The following RNF150 variants were observed in gnomAD, a reference collection of about 807,000 sequenced individuals.
RNF150 encodes ring finger protein 150.
A neutral mutation model predicts 39.3 loss-of-function variants in RNF150; 24 were observed. The ratio of observed to expected loss-of-function variants is 0.61; its 90% CI spans 0.44 to 0.86. The LOEUF is 0.86. Ranked by LOEUF, RNF150 falls within the 40% of genes least tolerant of loss-of-function variation. The pLI is 0.00. For missense variants in RNF150, 502 were observed against 587.8 expected (o/e 0.85, Z 1.51); for synonymous variants, 255 against 227.3 (o/e 1.12, Z -1.10).
chr4:141,031,911 G>T (rs1261912918), intron 1 of RNF150, among the ~76,000 whole-genome samples: 1 of 151,730 alleles, frequency 6.6e-6, no homozygotes, highest in Non-Finnish European at 1.5e-5. Flanking sequence ...TGAAAGAGAT[G>T]AGCACCCCCA....
intron 1 of RNF150, among the ~76,000 whole-genome samples, chr4:140,991,529 G>C (rs1734197842): frequency 6.6e-6 from 1 of 151,540 alleles, no homozygotes; most frequent in Non-Finnish European, 1.5e-5. Flanking sequence ...TTTTTGTTTG[G>C]AATATCATTT....
chr4:141,163,989 G>C (rs1727557531), intron 1 of RNF150, among the ~76,000 whole-genome samples: 1 of 152,012 alleles, frequency 6.6e-6, no homozygotes, highest in Admixed American at 6.6e-5. Flanking sequence ...CAGAAGGTGG[G>C]TAATAAGAAA....
chr4:141,080,866 G>C (rs756581267), intron 1 of RNF150, among the ~76,000 whole-genome samples: 1 of 152,168 alleles, frequency 6.6e-6, no homozygotes, highest in Non-Finnish European at 1.5e-5. Context: ...GAAATCAGTA[G>C]GAATTCCAGA....
intron 4 of RNF150, among the ~76,000 whole-genome samples, chr4:140,940,089 G>A (rs1461125844): frequency 6.6e-6 from 1 of 152,138 alleles, no homozygotes; most frequent in Middle Eastern, 3.2e-3. Flanking sequence ...GGGTGCTCCA[G>A]CACTTGGTTA....
rs1454104245 is a variant in RNF150 at position 140,861,816 on chromosome 4, G to A, written c.*6445C>T. On this transcript the variant is annotated 3_prime_UTR_variant, in exon 7 of 7. Transcript: ENST00000515673. ...AGTTCAGTAAAGCGCTAGATTTGTT[G>A]GAAAGTTTTGAAGGAAAAGGGGACT... 1 of 152,146 alleles carries A rather than the reference G, an allele frequency of 6.6e-6. No individual in the cohort carries two copies. The highest frequency in any genetic ancestry group is 2.4e-5 in the African/African-American group (1 of 41,450). The allele number at this position is 152,146 out of a possible 1,614,324, so 9.4% of individuals were successfully genotyped here.
At chr4:140,989,744 CT>C (rs373314707) in intron 1 of RNF150, among the ~76,000 whole-genome samples, 188 of 145,240 alleles carry the variant, frequency 1.3e-3, no homozygotes, top group East Asian at 9.1e-3. Context: ...TTTCACCTTG[CT>C]TTTTTTTTTT....
chr4:140,940,224 G>C (rs1350621906), intron 4 of RNF150, among the ~76,000 whole-genome samples: 1 of 152,084 alleles, frequency 6.6e-6, no homozygotes, highest in Non-Finnish European at 1.5e-5. Flanking sequence ...TCTTTGCTTG[G>C]AATGTTCTTC....
At chr4:140,970,628 C>A (rs1733428705) in intron 1 of RNF150, among the ~76,000 whole-genome samples, 1 of 152,012 alleles carries the variant, frequency 6.6e-6, no homozygotes, top group Non-Finnish European at 1.5e-5. Flanking sequence ...AAATACTCAT[C>A]ATCCATTTTC....
At chr4:141,078,811 ATAT>A (rs1738026262) in intron 1 of RNF150, among the ~76,000 whole-genome samples, 1,218 of 68,640 alleles carry the variant, frequency 0.018, 27 homozygotes, top group South Asian at 0.031. Flanking sequence ...AAAAAAAAAT[ATAT>A]ATATATATAT....
intron 1 of RNF150, among the ~76,000 whole-genome samples, chr4:141,192,000 G>A (rs1191172948): frequency 6.6e-6 from 1 of 152,122 alleles, no homozygotes; most frequent in East Asian, 1.9e-4. Flanking sequence ...AGATTCCTAT[G>A]AATCAGATGG....
At chr4:141,206,621 T>C (rs936841133) in intron 1 of RNF150, among the ~76,000 whole-genome samples, 8 of 152,032 alleles carry the variant, frequency 5.3e-5, no homozygotes, top group Non-Finnish European at 1.2e-4. Context: ...GTGATTGCCC[T>C]AATCCTGGAA....
Position 141,132,818 on chromosome 4 carries a change from C to A in RNF150, c.-10G>T, listed in dbSNP as rs201089087. The stretch of plus-strand genomic sequence containing the variant: ...TGAGAGACATTGCCATCTTTATCCG[C>A]CGGGGCCCCCTCCCCGCCCCCGCGC... On this transcript the variant is annotated 5_prime_UTR_variant, in exon 1 of 7. Transcript: ENST00000515673. This position sits in a 1 kb window ranked among gnomAD's most constrained non-coding sequence, Gnocchi z 4.9. 1.3e-4 allele frequency: 209 copies of A among 1,601,480 alleles called. No individual in the cohort carries two copies. Among genetic ancestry groups the A allele is most frequent in the Admixed American group, 1.0e-4 (6 of 59,632 alleles).
At chr4:141,174,940 C>A (rs1727784639) in intron 1 of RNF150, among the ~76,000 whole-genome samples, 1 of 150,138 alleles carries the variant, frequency 6.7e-6, no homozygotes, top group Non-Finnish European at 1.5e-5. Flanking sequence ...GAGTTGTAAG[C>A]ATTGATTCTG....
intron 1 of RNF150, among the ~76,000 whole-genome samples, chr4:141,033,183 T>C (rs374902800): frequency 1.3e-4 from 20 of 152,222 alleles, no homozygotes; most frequent in African/African-American, 4.6e-4. Flanking sequence ...CACTGCTTTA[T>C]TAAGTAAGTT....
At position 140,909,713 on chromosome 4, in the gene RNF150, A is replaced by C. The variant is rs558674140; in HGVS notation, c.1198+1431T>G. ...CATTATATTAATATCGGGCTGCACCAGTCTAAACCTTCAAAACAAAGGGGT... is the reference window on the plus strand; with the variant it reads ...CATTATATTAATATCGGGCTGCACCCGTCTAAACCTTCAAAACAAAGGGGT... On this transcript the variant is annotated intron_variant, in intron 6 of 6. Transcript: ENST00000515673. 5.3e-5 allele frequency among the ~76,000 whole-genome samples: 8 copies of C among 152,316 alleles called. 1 individual carries two copies. The highest frequency in any genetic ancestry group is 1.9e-4 in the African/African-American group (8 of 41,584).
At chr4:140,960,828 G>A (rs1017237346) in intron 2 of RNF150, among the ~76,000 whole-genome samples, 2 of 152,156 alleles carry the variant, frequency 1.3e-5, no homozygotes, top group African/African-American at 4.8e-5. Flanking sequence ...GCGCAGGTGT[G>A]GGGGGAAGGT....
chr4:141,034,787 T>C (rs1175581269), intron 1 of RNF150, among the ~76,000 whole-genome samples: 8 of 152,106 alleles, frequency 5.3e-5, no homozygotes, highest in Admixed American at 4.6e-4. Context: ...ATTTACCAAT[T>C]AAGTTCACCA....
chr4:141,189,668 C>A (rs1728071606), intron 1 of RNF150, among the ~76,000 whole-genome samples: 1 of 152,136 alleles, frequency 6.6e-6, no homozygotes, highest in African/African-American at 2.4e-5. Context: ...TCCAGCCAGT[C>A]CGAACTTCTC....
At chr4:141,130,138 T>C (rs1032837835) in intron 1 of RNF150, among the ~76,000 whole-genome samples, 1 of 152,232 alleles carries the variant, frequency 6.6e-6, no homozygotes, top group African/African-American at 2.4e-5. Flanking sequence ...AGATCTGGAC[T>C]ACATGGAAGA....
Sources: allele counts gnomAD v4.1 joint callset (sites outside exome capture counted in the v4.1 genomes callset), GRCh38; gene constraint gnomAD v4.1.1; non-coding constraint Gnocchi (gnomAD v3.1); transcripts MANE v1.5; gene names NCBI Gene and HGNC (gene_info 2026-07-23, HGNC 2026-07-21).